The following HCN1 variants were observed in gnomAD, a reference collection of about 807,000 sequenced individuals.
HCN1 encodes the protein potassium/sodium hyperpolarization-activated cyclic nucleotide-gated channel 1.
A neutral mutation model predicts 78.9 loss-of-function variants in HCN1; 13 were observed. The ratio of observed to expected loss-of-function variants is 0.16; its 90% CI spans 0.11 to 0.26. HCN1 has a LOEUF of 0.26. Among genes scored for constraint, HCN1 ranks in the 10% least tolerant of loss-of-function variants. The pLI, the probability that HCN1 is intolerant of heterozygous loss-of-function variation, is 1.00. For missense variants in HCN1, 810 were observed against 1,154.3 expected (o/e 0.70, Z 4.32); for synonymous variants, 552 against 455.5 (o/e 1.21, Z -2.70).
intron 5 of HCN1, among the ~76,000 whole-genome samples, chr5:45,339,143 G>C (rs1304412946): frequency 6.6e-6 from 1 of 152,072 alleles, no homozygotes; most frequent in African/African-American, 2.4e-5. Context: ...TCACGACTCT[G>C]TTAAAGAAGA....
At chr5:45,420,323 C>G (rs1338256282) in intron 3 of HCN1, among the ~76,000 whole-genome samples, 1 of 152,074 alleles carries the variant, frequency 6.6e-6, no homozygotes, top group African/African-American at 2.4e-5. Context: ...TGGCAACATG[C>G]CCAGCTTAAT....
chr5:45,425,419 C>A (rs895511618), intron 3 of HCN1, among the ~76,000 whole-genome samples: 19 of 152,120 alleles, frequency 1.2e-4, no homozygotes, highest in African/African-American at 4.6e-4. Context: ...TAGGATAATT[C>A]TTGTTAACAT....
chr5:45,484,885 T>G (rs1741726137), intron 2 of HCN1, among the ~76,000 whole-genome samples: 1 of 151,980 alleles, frequency 6.6e-6, no homozygotes, highest in East Asian at 1.9e-4. Flanking sequence ...ATTCATGGGG[T>G]GGGTGGAAGC....
chr5:45,282,564 T>C (rs2111871135), intron 6 of HCN1, among the ~76,000 whole-genome samples: 1 of 152,330 alleles, frequency 6.6e-6, no homozygotes, highest in East Asian at 1.9e-4. Context: ...CTACTGTCAG[T>C]GGAATAAATT....
intron 4 of HCN1, among the ~76,000 whole-genome samples, chr5:45,368,133 C>A (rs979224396): frequency 5.3e-5 from 8 of 151,970 alleles, no homozygotes; most frequent in Non-Finnish European, 8.8e-5. Flanking sequence ...TTAATTTATT[C>A]TAATAGAAGA....
chr5:45,638,186 G>C (rs894037419), intron 2 of HCN1, among the ~76,000 whole-genome samples: 1 of 152,094 alleles, frequency 6.6e-6, no homozygotes. Context: ...CAGGAAATAA[G>C]GGAAAAGGAG....
rs143699372 is a variant in HCN1, at chr5:45,544,830, T to C, written c.850-82823A>G. On this transcript the variant is annotated intron_variant, in intron 2 of 7. Transcript: ENST00000303230. The stretch of plus-strand genomic sequence containing the variant: ...TTCCATGGTATGTATGTGTCACATT[T>C]TCTTAATCCAGTCTATCACTGATGG... Among the ~76,000 whole-genome samples the C allele has an allele frequency of 4.8e-3, 731 of 152,312 alleles. 2 individuals are homozygous for C. Among genetic ancestry groups the C allele is most frequent in the Non-Finnish European group, 7.3e-3 (499 of 68,026 alleles).
At chr5:45,378,437 T>G (rs1393395404) in intron 4 of HCN1, among the ~76,000 whole-genome samples, 2 of 152,128 alleles carry the variant, frequency 1.3e-5, no homozygotes, top group Non-Finnish European at 2.9e-5. Flanking sequence ...TAACCGTATA[T>G]GTTCCATGTG....
At chr5:45,681,119 T>C (rs911390035) in intron 1 of HCN1, among the ~76,000 whole-genome samples, 1 of 152,182 alleles carries the variant, frequency 6.6e-6, no homozygotes, top group African/African-American at 2.4e-5. Flanking sequence ...TTTCAGCTGC[T>C]GTTCCATCCC....
chr5:45,282,580 T>A (rs546280893), intron 6 of HCN1, among the ~76,000 whole-genome samples: 1 of 152,326 alleles, frequency 6.6e-6, no homozygotes, highest in East Asian at 1.9e-4. Flanking sequence ...AAATTTCAAA[T>A]TCCTTAATCT....
chr5:45,342,651 A>G (rs1408497625), intron 5 of HCN1, among the ~76,000 whole-genome samples: 1 of 152,148 alleles, frequency 6.6e-6, no homozygotes, highest in African/African-American at 2.4e-5. Context: ...AAACTAACCA[A>G]TAGCAGATAT....
At chr5:45,376,900 A>T (rs1172678890) in intron 4 of HCN1, among the ~76,000 whole-genome samples, 1 of 152,126 alleles carries the variant, frequency 6.6e-6, no homozygotes, top group Non-Finnish European at 1.5e-5. Context: ...AGGTAATTCT[A>T]ATGTTCAGCC....
At chr5:45,315,029 T>C (rs1424673727) in intron 5 of HCN1, among the ~76,000 whole-genome samples, 3 of 152,042 alleles carry the variant, frequency 2.0e-5, no homozygotes, top group African/African-American at 7.2e-5. Context: ...AACCATGATA[T>C]CCAGGAATTG....
intron 6 of HCN1, among the ~76,000 whole-genome samples, chr5:45,297,369 A>G (rs1561093443): frequency 6.6e-6 from 1 of 152,076 alleles, no homozygotes; most frequent in Non-Finnish European, 1.5e-5. Context: ...CATTAGGGCC[A>G]TTATGAACAT....
At chr5:45,544,714 C>A (rs891204743) in intron 2 of HCN1, among the ~76,000 whole-genome samples, 8 of 149,630 alleles carry the variant, frequency 5.3e-5, no homozygotes, top group East Asian at 2.0e-4. Context: ...GGTTTTCTGT[C>A]CTTGCGATAG....
intron 4 of HCN1, among the ~76,000 whole-genome samples, chr5:45,363,268 G>A (rs946491267): frequency 4.0e-5 from 6 of 150,928 alleles, no homozygotes; most frequent in African/African-American, 1.5e-4. Flanking sequence ...CTGTACCAAT[G>A]GTGGAAAGTC....
chr5:45,401,250 C>A (rs374880929), intron 3 of HCN1, among the ~76,000 whole-genome samples: 1 of 151,854 alleles, frequency 6.6e-6, no homozygotes, highest in African/African-American at 2.4e-5. Context: ...AAATAATAAC[C>A]CATTGTTATT....
chr5:45,604,987 T>C (rs1027028489), intron 2 of HCN1, among the ~76,000 whole-genome samples: 3 of 152,034 alleles, frequency 2.0e-5, no homozygotes, highest in African/African-American at 7.2e-5. Flanking sequence ...AAATCTTTAT[T>C]TTGCTTTGCT....
At chr5:45,317,843 T>C (rs1048718583) in intron 5 of HCN1, among the ~76,000 whole-genome samples, 1 of 152,024 alleles carries the variant, frequency 6.6e-6, no homozygotes, top group African/African-American at 2.4e-5. Flanking sequence ...ATCAGAGAAA[T>C]GCAAATCAAA....
Sources: allele counts gnomAD v4.1 joint callset (sites outside exome capture counted in the v4.1 genomes callset), GRCh38; gene constraint gnomAD v4.1.1; transcripts MANE v1.5; gene names NCBI Gene and HGNC (gene_info 2026-07-23, HGNC 2026-07-21).